TRAPPC9: variants seen among roughly 807,000 people sequenced by gnomAD.
TRAPPC9 encodes trafficking protein particle complex subunit 9, also known as IKK2 binding protein.
Under a neutral mutation model 124.0 loss-of-function variants are expected in TRAPPC9, and 83 were observed. That is an observed-to-expected ratio of 0.67 (90% confidence interval 0.56 to 0.80). The LOEUF (loss-of-function observed/expected upper bound fraction) is 0.80, where lower values mean the gene tolerates loss of function less well. TRAPPC9 is among the 30% of genes least tolerant of loss of function. The probability of loss-of-function intolerance (pLI) is 0.00; values close to 1 mark genes in which losing one functional copy is unlikely to be tolerated. For synonymous variants in TRAPPC9, 638 were observed against 617.5 expected (o/e 1.03, Z -0.49); for missense variants, 1,302 against 1,508.3 (o/e 0.86, Z 2.27).
intron 21 of TRAPPC9, among the ~76,000 whole-genome samples, chr8:139,815,542 C>G (rs1398273010): frequency 6.6e-6 from 1 of 152,164 alleles, no homozygotes; most frequent in Non-Finnish European, 1.5e-5. Context: ...CTTGCGCCAC[C>G]ACACCTGGCT....
intron 17 of TRAPPC9, among the ~76,000 whole-genome samples, chr8:140,072,531 G>A (rs1309435719): frequency 2.3e-5 from 3 of 131,904 alleles, no homozygotes; most frequent in East Asian, 2.2e-4. Context: ...AAAAAAAGGA[G>A]GAGGAGGAGG....
intron 21 of TRAPPC9, among the ~76,000 whole-genome samples, chr8:139,753,280 CCCATCCATCCACCCATCTACCGTCCAT>C (rs910425556): frequency 4.0e-5 from 6 of 150,240 alleles, no homozygotes; most frequent in African/African-American, 1.2e-4. Context: ...CCAACATCTA[CCCATCCATCCACCCATCTACCGTCCAT>C]CCATCCATCC....
intron 5 of TRAPPC9, among the ~76,000 whole-genome samples, chr8:140,421,943 C>T (rs915690277): frequency 4.1e-5 from 5 of 121,806 alleles, no homozygotes; most frequent in East Asian, 4.7e-4. Flanking sequence ...AAACCTACGC[C>T]GAACTCTGCA....
intron 19 of TRAPPC9, among the ~76,000 whole-genome samples, chr8:139,961,161 C>A (rs929957509): frequency 8.0e-6 from 1 of 124,736 alleles, no homozygotes; most frequent in Non-Finnish European, 1.9e-5. Flanking sequence ...GACAAACCCA[C>A]GTGTGTCCTC....
chr8:139,754,724 C>T (rs905805691), intron 21 of TRAPPC9, among the ~76,000 whole-genome samples: 2 of 152,242 alleles, frequency 1.3e-5, no homozygotes, highest in African/African-American at 4.8e-5. Context: ...TGCGTGCCAG[C>T]CTCTGTTTTC....
chr8:140,035,992 G>A (rs543070091), intron 17 of TRAPPC9, among the ~76,000 whole-genome samples: 50 of 152,292 alleles, frequency 3.3e-4, no homozygotes, highest in African/African-American at 1.2e-3. Context: ...ATCTCCAGTG[G>A]CCCTTTCCAC....
chr8:140,331,668 GA>G (rs1025048161), intron 9 of TRAPPC9, among the ~76,000 whole-genome samples: 5 of 147,826 alleles, frequency 3.4e-5, no homozygotes, highest in Non-Finnish European at 6.0e-5. Flanking sequence ...GCAGGCAAAA[GA>G]CGTGAATAGA....
At chr8:140,066,149 C>T (rs1196253666) in intron 17 of TRAPPC9, among the ~76,000 whole-genome samples, 1 of 152,156 alleles carries the variant, frequency 6.6e-6, no homozygotes, top group Non-Finnish European at 1.5e-5. Flanking sequence ...AAGACTTTGG[C>T]AGAGGAAGTA....
intron 1 of TRAPPC9, among the ~76,000 whole-genome samples, chr8:140,452,419 CAAA>C (rs1161960216): frequency 2.5e-5 from 1 of 40,438 alleles, no homozygotes; most frequent in Non-Finnish European, 5.7e-5. Context: ...GACTGCATCT[CAAA>C]AAAAAAAAAA....
At chr8:140,115,558 C>T (rs1220099331) in intron 17 of TRAPPC9, among the ~76,000 whole-genome samples, 1 of 152,178 alleles carries the variant, frequency 6.6e-6, no homozygotes, top group Non-Finnish European at 1.5e-5. Flanking sequence ...TGAGCCACCG[C>T]ACCTGGCCAT....
intron 17 of TRAPPC9, among the ~76,000 whole-genome samples, chr8:140,112,144 G>A (rs1271271338): frequency 1.1e-4 from 17 of 151,756 alleles, no homozygotes; most frequent in African/African-American, 3.2e-4. Flanking sequence ...CACGAGGAGA[G>A]TAATGGAGAA....
Position 140,216,362 on chromosome 8 carries a change from A to G in TRAPPC9, c.2556+5097T>C, listed in dbSNP as rs193140717. On this transcript the variant is annotated intron_variant, in intron 17 of 22. Transcript: ENST00000438773. This position sits in a 1 kb window ranked among gnomAD's most constrained non-coding sequence, Gnocchi z 4.1. Reference sequence around the variant, plus strand: ...AGCACATTCACCCTTGCAACACTCAATTGAAGAAAACAAAATCCATGCCAC... The same window carrying G: ...AGCACATTCACCCTTGCAACACTCAGTTGAAGAAAACAAAATCCATGCCAC... Among the ~76,000 whole-genome samples the G allele has an allele frequency of 2.3e-3, 356 of 152,324 alleles. 1 individual carries two copies. The highest frequency in any genetic ancestry group is 6.8e-3 in the Middle Eastern group (2 of 294).
chr8:140,451,375 T>C lies in TRAPPC9; in HGVS notation c.-2A>G. The C allele has an allele frequency of 6.2e-7, 1 of 1,601,452 alleles. No homozygotes were observed. Among genetic ancestry groups the C allele is most frequent in the South Asian group, 1.1e-5 (1 of 90,984 alleles). On this transcript the variant is annotated 5_prime_UTR_variant, in exon 2 of 23. Transcript: ENST00000438773. Reference sequence around the variant, plus strand: ...CTGCATGTAGTCAGGGACGCTCATTTTGAAGTCCCTGTTCAGAGAGAAGAA... The same window carrying C: ...CTGCATGTAGTCAGGGACGCTCATTCTGAAGTCCCTGTTCAGAGAGAAGAA...
Position 140,351,240 on chromosome 8 carries a change from G to A in TRAPPC9, c.1495+8810C>T, listed in dbSNP as rs1296158876. Among the ~76,000 whole-genome samples the A allele has an allele frequency of 3.8e-5, 5 of 131,116 alleles. No homozygotes were observed. In the Admixed American group the frequency reaches 4.6e-4, roughly 12 times the overall value. 86.0% of individuals were successfully genotyped at this position (131,116 alleles called of 152,430 possible). A position where few individuals can be genotyped will look rare whatever the true frequency, so the allele number is the denominator to read the frequency against. On this transcript the variant is annotated intron_variant, in intron 9 of 22. Coordinates refer to ENST00000438773, the MANE Select transcript of TRAPPC9 (RefSeq NM_001160372.4). ...TCCCCGCACCCCTCCAGCCCCCCAC[G>A]CTGCCTGCCCCTAGAGACAAAGACG...
intron 3 of TRAPPC9, among the ~76,000 whole-genome samples, chr8:140,438,009 T>C (rs919975718): frequency 2.0e-5 from 3 of 152,186 alleles, no homozygotes; most frequent in Non-Finnish European, 4.4e-5. Context: ...AAGATTGACA[T>C]AGAGTTCACA....
intron 17 of TRAPPC9, among the ~76,000 whole-genome samples, chr8:140,128,506 G>C (rs2130683846): frequency 6.6e-6 from 1 of 152,326 alleles, no homozygotes; most frequent in South Asian, 2.1e-4. Context: ...GGTATAAACT[G>C]TGTCCAATTT....
intron 21 of TRAPPC9, among the ~76,000 whole-genome samples, chr8:139,756,398 T>G (rs956073050): frequency 0.021 from 481 of 23,230 alleles, no homozygotes; most frequent in Non-Finnish European, 0.023. Flanking sequence ...AGGGTTGGGG[T>G]ATAAGGACAG....
chr8:140,255,861 G>A (rs1031481697), intron 15 of TRAPPC9, among the ~76,000 whole-genome samples: 2 of 152,198 alleles, frequency 1.3e-5, no homozygotes, highest in Non-Finnish European at 2.9e-5. Flanking sequence ...ACTCCAGCCT[G>A]GGCAACAAAG....
At chr8:139,746,516 G>A (rs1031947198) in intron 21 of TRAPPC9, among the ~76,000 whole-genome samples, 6 of 152,164 alleles carry the variant, frequency 3.9e-5, no homozygotes, top group African/African-American at 9.7e-5. Context: ...TAGGGGTGGG[G>A]CCCCAGGTGG....
Sources: gnomAD v4.1 joint callset for allele counts (sites outside exome capture counted in the v4.1 genomes callset) on GRCh38, gnomAD v4.1.1 for gene constraint, Gnocchi (gnomAD v3.1) non-coding constraint, MANE v1.5 for transcripts, NCBI Gene and HGNC (gene_info 2026-07-23, HGNC 2026-07-21) for gene names.